PRKCE: variants seen among roughly 807,000 people sequenced by gnomAD.
The protein encoded by PRKCE is protein kinase C epsilon, also known as protein kinase C epsilon type.
Under a neutral mutation model 85.4 loss-of-function variants are expected in PRKCE, and 16 were observed. The ratio of observed to expected loss-of-function variants is 0.19; its 90% CI spans 0.13 to 0.28. PRKCE has a LOEUF of 0.28. Among genes scored for constraint, PRKCE ranks in the 10% least tolerant of loss-of-function variants. The pLI, the probability that PRKCE is intolerant of heterozygous loss-of-function variation, is 1.00. For missense variants in PRKCE, 573 were observed against 975.2 expected (o/e 0.59, Z 5.49); for synonymous variants, 388 against 371.5 (o/e 1.04, Z -0.51).
chr2:45,952,361 G>C (rs1200626362), intron 2 of PRKCE, among the ~76,000 whole-genome samples: 1 of 152,144 alleles, frequency 6.6e-6, no homozygotes, highest in Non-Finnish European at 1.5e-5. Context: ...CACTATGCTG[G>C]GCTGTTCTTG....
In PRKCE at chr2:45,682,779, G is replaced by C. The variant is rs1035150946; in HGVS notation, c.348+30331G>C. ...TTTTGGTATTTTTAGTAGAAACGGG[G>C]TTTCATCATGTTTCAACTCCTGACC... On this transcript the variant is annotated intron_variant, in intron 1 of 14. Coordinates refer to ENST00000306156, the MANE Select transcript of PRKCE (RefSeq NM_005400.3). 9.2e-5 allele frequency among the ~76,000 whole-genome samples: 14 copies of C among 152,136 alleles called. 1 individual carries two copies. The highest frequency in any genetic ancestry group is 2.7e-4 in the African/African-American group (11 of 41,502).
At chr2:46,021,580 C>A (rs1022750480) in intron 10 of PRKCE, among the ~76,000 whole-genome samples, 1 of 151,996 alleles carries the variant, frequency 6.6e-6, no homozygotes, top group African/African-American at 2.4e-5. Context: ...AGCCCCTTAC[C>A]GATTAGAAAC....
At chr2:45,901,875 T>C (rs868354525) in intron 2 of PRKCE, among the ~76,000 whole-genome samples, 6 of 152,278 alleles carry the variant, frequency 3.9e-5, no homozygotes, top group South Asian at 2.1e-4. Context: ...TCCAGCCAGG[T>C]GCGGTAAAAG....
intron 2 of PRKCE, among the ~76,000 whole-genome samples, chr2:45,931,071 G>C (rs1699008941): frequency 1.3e-5 from 2 of 152,170 alleles, no homozygotes; most frequent in South Asian, 4.1e-4. Flanking sequence ...TTGCAAAGCA[G>C]AGGCCAACAA....
At chr2:45,777,356 GA>G (rs1685832713) in intron 1 of PRKCE, among the ~76,000 whole-genome samples, 1 of 152,048 alleles carries the variant, frequency 6.6e-6, no homozygotes, top group Non-Finnish European at 1.5e-5. Flanking sequence ...GGGGAAATGT[GA>G]GAAGTGTTCT....
chr2:45,667,049 G>A (rs1240570438), intron 1 of PRKCE, among the ~76,000 whole-genome samples: 1 of 152,144 alleles, frequency 6.6e-6, no homozygotes, highest in Non-Finnish European at 1.5e-5. Flanking sequence ...AGTGGCTCAT[G>A]CCTGTAATCC....
chr2:46,098,919 G>T (rs3754576), intron 11 of PRKCE, among the ~76,000 whole-genome samples: 78,870 of 151,610 alleles, frequency 0.52, 23,321 homozygotes, highest in East Asian at 0.86. Context: ...GATGACTCAG[G>T]CTGGAGGTGG....
intron 1 of PRKCE, among the ~76,000 whole-genome samples, chr2:45,771,818 C>T (rs1174797796): frequency 6.6e-6 from 1 of 151,922 alleles, no homozygotes; most frequent in African/African-American, 2.4e-5. Context: ...CCCATTTCTG[C>T]CCCTGCTATT....
intron 1 of PRKCE, among the ~76,000 whole-genome samples, chr2:45,723,885 G>A (rs892949864): frequency 2.0e-5 from 3 of 152,198 alleles, no homozygotes; most frequent in African/African-American, 7.2e-5. Flanking sequence ...TTACAAAGGT[G>A]AGCCACTGCA....
intron 10 of PRKCE, among the ~76,000 whole-genome samples, chr2:46,055,669 T>C (rs1666509679): frequency 1.3e-5 from 2 of 152,108 alleles, no homozygotes; most frequent in Admixed American, 1.3e-4. Context: ...AAGTCTAATT[T>C]TTTTTTTTTG....
At chr2:45,996,288 T>C (rs1157333968) in intron 6 of PRKCE, among the ~76,000 whole-genome samples, 1 of 152,202 alleles carries the variant, frequency 6.6e-6, no homozygotes, top group African/African-American at 2.4e-5. Flanking sequence ...TGGACAATCA[T>C]ATCATCTACA....
At position 45,901,787 on chromosome 2, in the gene PRKCE, T is replaced by C. The variant is rs1696599139; in HGVS notation, c.412+58724T>C. Among the ~76,000 whole-genome samples, 4 of 152,220 alleles carry C rather than the reference T, an allele frequency of 2.6e-5. No individual in the cohort carries two copies. In the South Asian group the frequency reaches 6.2e-4, roughly 24 times the overall value. On this transcript the variant is annotated intron_variant, in intron 2 of 14. Transcript: ENST00000306156. ...TTCCCTGAAGAATATGGAAATGCAG[T>C]TGAATTCTTGGAAGTCTGTACCGTG... is the stretch of plus-strand genomic sequence containing the variant.
At chr2:45,705,814 C>A (rs1461822962) in intron 1 of PRKCE, among the ~76,000 whole-genome samples, 1 of 152,166 alleles carries the variant, frequency 6.6e-6, no homozygotes, top group Non-Finnish European at 1.5e-5. Flanking sequence ...ATGCTGCTGA[C>A]CTGATTAAGC....
rs561485027 is a variant in PRKCE at position 46,152,540 on chromosome 2, C to T, written c.1920+1311C>T. Among the ~76,000 whole-genome samples the T allele has an allele frequency of 5.3e-3, 801 of 151,726 alleles. 4 individuals are homozygous for T. The highest frequency in any genetic ancestry group is 7.1e-3 in the Non-Finnish European group (484 of 67,950). On this transcript the variant is annotated intron_variant, in intron 13 of 14. Transcript: ENST00000306156. ...TAGGTAGAAAATCAGTATCACTTGC[C>T]ATAATGAATTAATGTAATTTTTTTT...
At chr2:46,058,385 C>T (rs13024907) in intron 10 of PRKCE, among the ~76,000 whole-genome samples, 76,326 of 152,066 alleles carry the variant, frequency 0.5, 19,468 homozygotes, top group African/African-American at 0.56. Context: ...GGGGATGAAA[C>T]GTCATGTTCC....
At chr2:45,667,156 C>G (rs562200184) in intron 1 of PRKCE, among the ~76,000 whole-genome samples, 6 of 151,546 alleles carry the variant, frequency 4.0e-5, no homozygotes, top group African/African-American at 1.5e-4. Flanking sequence ...ACTAAAAATA[C>G]AAAAAGTAGC....
At chr2:46,112,518 TG>T (rs1672371903) in intron 11 of PRKCE, among the ~76,000 whole-genome samples, 3 of 151,020 alleles carry the variant, frequency 2.0e-5, no homozygotes, top group African/African-American at 7.3e-5. Context: ...TTTGTTTGTT[TG>T]TTTTTTGTTT....
At chr2:45,787,882 C>T (rs1445357706) in intron 1 of PRKCE, among the ~76,000 whole-genome samples, 1 of 152,146 alleles carries the variant, frequency 6.6e-6, no homozygotes, top group African/African-American at 2.4e-5. Flanking sequence ...TGATATGTAA[C>T]CAGCGGCCCA....
At chr2:45,945,077 C>A (rs985034802) in intron 2 of PRKCE, among the ~76,000 whole-genome samples, 1 of 152,046 alleles carries the variant, frequency 6.6e-6, no homozygotes, top group African/African-American at 2.4e-5. Flanking sequence ...GGCAGGGAAA[C>A]GATGGCCACA....
Sources: allele counts gnomAD v4.1 joint callset (sites outside exome capture counted in the v4.1 genomes callset), GRCh38; gene constraint gnomAD v4.1.1; transcripts MANE v1.5; gene names NCBI Gene and HGNC (gene_info 2026-07-23, HGNC 2026-07-21).